DOCK6: variants seen among roughly 807,000 people sequenced by gnomAD.
The protein encoded by DOCK6 is dedicator of cytokinesis protein 6.
DOCK6 carries 167 observed loss-of-function variants against 230.3 expected under a neutral mutation model. The ratio of observed to expected loss-of-function variants is 0.73; its 90% CI spans 0.64 to 0.82. The LOEUF is 0.82. DOCK6 is among the 40% of genes least tolerant of loss of function. The probability of loss-of-function intolerance (pLI) is 0.00; values close to 1 mark genes in which losing one functional copy is unlikely to be tolerated. For synonymous variants in DOCK6, 1,148 were observed against 1,185.0 expected, an observed-to-expected ratio of 0.97 and a Z score of 0.64; for missense variants, 2,598 against 2,825.8, an observed-to-expected ratio of 0.92 and a Z score of 1.83.
chr19:11,250,406 C>A (rs754304315), intron 6 of DOCK6, among the ~76,000 whole-genome samples: 63 of 151,946 alleles, frequency 4.1e-4, no homozygotes, highest in Non-Finnish European at 8.4e-4. Flanking sequence ...CCTTCACCTC[C>A]CGGGTTCTGG....
chr19:11,201,715 T>G lies in DOCK6; in HGVS notation c.5688+174A>C, dbSNP rs2079170787. On this transcript the variant is annotated intron_variant, in intron 44 of 47. Coordinates refer to ENST00000294618, the MANE Select transcript of DOCK6 (RefSeq NM_020812.4). This position sits in a 1 kb window ranked among gnomAD's most constrained non-coding sequence, Gnocchi z 4.3. ...CTCCCAGGTCTCCCTGGGTCTGGTC[T>G]CCTCCCCTCCCCTCCCTGGGGATCT... Among the ~76,000 whole-genome samples, 3 of 151,394 alleles carry G rather than the reference T, an allele frequency of 2.0e-5. No homozygotes were observed. The South Asian group carries it at 6.3e-4, about 32-fold the overall frequency.
At chr19:11,246,258 G>A (rs1001382065) in intron 7 of DOCK6, among the ~76,000 whole-genome samples, 5 of 151,760 alleles carry the variant, frequency 3.3e-5, no homozygotes, top group African/African-American at 1.2e-4. Flanking sequence ...AGTAGAGACA[G>A]GGTTTCTATG....
Position 11,262,397 on chromosome 19 carries a change from C to A in DOCK6, c.44G>T (p.Arg15Met). The A allele has an allele frequency of 7.8e-7, 1 of 1,284,836 alleles. No homozygotes were observed. The highest frequency in any genetic ancestry group is 9.9e-7 in the Non-Finnish European group (1 of 1,014,910). 79.6% of individuals were successfully genotyped at this position (1,284,836 alleles called of 1,614,324 possible). Residue 15 changes from arginine (R) to methionine (M), a missense_variant and splice_region_variant, in exon 1 of 48, where the codon AGG becomes ATG. By Grantham distance (91) the Arg-to-Met change is moderately conservative. Coordinates refer to ENST00000294618, the MANE Select transcript of DOCK6 (RefSeq NM_020812.4). ...GGAGGGGGCCCCGCGGCCACACTAC[C>A]TGTTGATCTTGTGCGCGAAGGCGCG... ...ERRAFAHKIN[R>M]TVAAEVRKQV...
intron 14 of DOCK6, among the ~76,000 whole-genome samples, chr19:11,241,215 A>C (rs2079938260): frequency 6.6e-6 from 1 of 151,262 alleles, no homozygotes; most frequent in African/African-American, 2.4e-5. Flanking sequence ...CATTGCACTC[A>C]GCCTGGGTGA....
intron 24 of DOCK6, among the ~76,000 whole-genome samples, chr19:11,223,943 G>A (rs960377981): frequency 4.6e-5 from 7 of 151,710 alleles, no homozygotes; most frequent in Admixed American, 3.9e-4. Context: ...TACCGCACCC[G>A]GCCTCTCAGC....
At chr19:11,248,412 G>A (rs940615508) in intron 6 of DOCK6, among the ~76,000 whole-genome samples, 2 of 151,876 alleles carry the variant, frequency 1.3e-5, no homozygotes, top group East Asian at 3.9e-4. Flanking sequence ...ATATATAGAA[G>A]CTTATTTTTT....
Position 11,261,298 on chromosome 19 carries a change from C to T in DOCK6, c.44+1099G>A, listed in dbSNP as rs148955180. Among the ~76,000 whole-genome samples the T allele has an allele frequency of 3.9e-3, 591 of 152,238 alleles. 14 individuals are homozygous for T. Among genetic ancestry groups the T allele is most frequent in the Admixed American group, 0.036 (545 of 15,264 alleles). ...TGAGGTTTTTGCTCAAAGGCACCTG[C>T]TCATCCAGGCCTTCCTGACCCACCT... On this transcript the variant is annotated intron_variant, in intron 1 of 47. Coordinates refer to ENST00000294618, the MANE Select transcript of DOCK6 (RefSeq NM_020812.4).
At chr19:11,206,699 T>C (rs948430813) in intron 39 of DOCK6, among the ~76,000 whole-genome samples, 1 of 151,960 alleles carries the variant, frequency 6.6e-6, no homozygotes, top group Non-Finnish European at 1.5e-5. Flanking sequence ...CATCTAAATA[T>C]AGAGTGCAAT....
chr19:11,260,524 G>T (rs890387184), intron 1 of DOCK6, among the ~76,000 whole-genome samples: 3 of 151,422 alleles, frequency 2.0e-5, no homozygotes, highest in African/African-American at 2.4e-5. Flanking sequence ...AGACTGCAGT[G>T]AGCCAAGGTA....
intron 1 of DOCK6, among the ~76,000 whole-genome samples, chr19:11,255,106 C>T (rs1326203463): frequency 6.6e-6 from 1 of 151,752 alleles, no homozygotes; most frequent in African/African-American, 2.4e-5. Context: ...CGGGTTCAAG[C>T]GATTCTCCTG....
chr19:11,200,370 A>T lies in DOCK6; in HGVS notation c.6039T>A (p.Ala2013=). 6.3e-7 allele frequency: 1 copy of T among 1,593,660 alleles called. No individual in the cohort carries two copies. The highest frequency in any genetic ancestry group is 1.3e-5 in the African/African-American group (1 of 74,348). Residue 2013 remains alanine (A), a synonymous_variant, in exon 47 of 48, where the codon GCT becomes GCA. Coordinates refer to ENST00000294618, the MANE Select transcript of DOCK6 (RefSeq NM_020812.4). This position sits in a 1 kb window ranked among gnomAD's most constrained non-coding sequence, Gnocchi z 4.3. ...LERNYCRLRE[A]LQPLLTQRLP... is the part of the protein sequence containing the mutation. ...GGCGCTGGGTAAGCAGGGGCTGCAG[A>T]GCCTCCCGCAGGCGGCAGTAGTTGC...
chr19:11,255,615 A>G (rs2080185290), intron 1 of DOCK6, among the ~76,000 whole-genome samples: 1 of 151,988 alleles, frequency 6.6e-6, no homozygotes, highest in Non-Finnish European at 1.5e-5. Context: ...TTCTTCTACA[A>G]CTTGCCCAAA....
At chr19:11,235,168 T>G (rs1323334642) in intron 21 of DOCK6, among the ~76,000 whole-genome samples, 1 of 152,156 alleles carries the variant, frequency 6.6e-6, no homozygotes, top group Non-Finnish European at 1.5e-5. Context: ...CAGGCTGGAG[T>G]GCGGTGGCAT....
At chr19:11,259,435 GGA>G (rs61042742) in intron 1 of DOCK6, among the ~76,000 whole-genome samples, 8 of 148,184 alleles carry the variant, frequency 5.4e-5, no homozygotes, top group South Asian at 2.2e-4. Flanking sequence ...CAAGGATGGG[GGA>G]GAGAGAGAGA....
At chr19:11,229,638 G>C (rs1286627689) in intron 22 of DOCK6, among the ~76,000 whole-genome samples, 2 of 152,066 alleles carry the variant, frequency 1.3e-5, no homozygotes, top group Middle Eastern at 3.2e-3. Flanking sequence ...GGTGCTGTGG[G>C]AGTAGACGGG....
In DOCK6 at chr19:11,222,223, G is replaced by T; in HGVS notation, c.3266C>A (p.Pro1089Gln). Residue 1089 changes from proline to glutamine, a missense_variant, in exon 27 of 48, where the codon CCG becomes CAG. Physicochemically the swap from Pro to Gln is moderately conservative, Grantham distance 76. Transcript: ENST00000294618. This position sits in a 1 kb window ranked among gnomAD's most constrained non-coding sequence, Gnocchi z 4.0. Reference sequence around the variant, plus strand: ...GAACATGCTGGTCACCTTGGGGTCCGGGGCTTGGCTGGAGAAGGTGGAGCT... The same window carrying T: ...GAACATGCTGGTCACCTTGGGGTCCTGGGCTTGGCTGGAGAAGGTGGAGCT... ...SQSSTFSSQAPDPKVTSMFEL... is the reference protein window; with the variant it reads ...SQSSTFSSQAQDPKVTSMFEL... 1 of 1,603,406 alleles carries T rather than the reference G, an allele frequency of 6.2e-7. No individual in the cohort carries two copies. Among genetic ancestry groups the T allele is most frequent in the Non-Finnish European group, 8.5e-7 (1 of 1,175,198 alleles).
At chr19:11,204,881 T>C (rs1845545356) in intron 39 of DOCK6, among the ~76,000 whole-genome samples, 1 of 152,144 alleles carries the variant, frequency 6.6e-6, no homozygotes, top group Non-Finnish European at 1.5e-5. Context: ...ATGGCACAGG[T>C]ACGATGTACA....
intron 5 of DOCK6, 170 bp from the exon 6 acceptor site, chr19:11,251,256 C>A (rs2080113963): frequency 2.1e-5 from 14 of 657,792 alleles, no homozygotes; most frequent in Non-Finnish European, 3.3e-5. Flanking sequence ...TTTCCAGAAA[C>A]TTCTGTCTGG....
At position 11,243,711 on chromosome 19, in the gene DOCK6, C is replaced by T; in HGVS notation, c.1105-1G>A. The stretch of plus-strand genomic sequence containing the variant: ...GCAGCTTCTCTAGCTTCTCTTTGTT[C>T]TGTGGGGAGACCCCGTCCCCTGCCA... On this transcript the variant is annotated splice_acceptor_variant, in intron 10 of 47. Transcript: ENST00000294618. LOFTEE classifies it high-confidence loss of function. The surrounding 1 kb of genome is among the most constrained non-coding windows in gnomAD (Gnocchi z 6.3). 3 of 1,613,894 alleles carry T rather than the reference C, an allele frequency of 1.9e-6. No homozygotes were observed. In the South Asian group the frequency reaches 3.3e-5, roughly 18 times the overall value.
Sources: gnomAD v4.1 joint callset for allele counts (sites outside exome capture counted in the v4.1 genomes callset) on GRCh38, gnomAD v4.1.1 for gene constraint, Gnocchi (gnomAD v3.1) non-coding constraint, MANE v1.5 for transcripts, NCBI Gene and HGNC (gene_info 2026-07-23, HGNC 2026-07-21) for gene names.